Variants in FRMD3 observed in about 807,000 individuals in gnomAD.
The protein encoded by FRMD3 is FERM domain containing 3.
FRMD3 carries 33 observed loss-of-function variants against 70.2 expected under a neutral mutation model. The ratio of observed to expected loss-of-function variants is 0.47; its 90% CI spans 0.36 to 0.63. FRMD3 has a LOEUF of 0.63. FRMD3 is among the 20% of genes least tolerant of loss of function. The pLI is 0.00. For synonymous variants in FRMD3, 279 were observed against 255.9 expected, an observed-to-expected ratio of 1.09 and a Z score of -0.86; for missense variants, 632 against 711.4, an observed-to-expected ratio of 0.89 and a Z score of 1.27.
At chr9:83,297,099 T>C (rs548938543) in intron 12 of FRMD3, among the ~76,000 whole-genome samples, 71 of 152,294 alleles carry the variant, frequency 4.7e-4, no homozygotes, top group Middle Eastern at 3.4e-3. Context: ...TTTATTGACC[T>C]CATTAACCAT....
intron 2 of FRMD3, 109 bp downstream of exon 2, chr9:83,389,495 A>G: frequency 1.4e-6 from 1 of 731,498 alleles, no homozygotes. Context: ...CATGTGCCCA[A>G]TAATCTATGA....
chr9:83,465,286 C>T (rs142537616), intron 1 of FRMD3, among the ~76,000 whole-genome samples: 5,566 of 152,268 alleles, frequency 0.037, 163 homozygotes, highest in Middle Eastern at 0.12. Flanking sequence ...GGTCCCAGTG[C>T]TCTTCCCAGA....
chr9:83,376,056 A>T (rs62560269), intron 2 of FRMD3, among the ~76,000 whole-genome samples: 1 of 151,352 alleles, frequency 6.6e-6, no homozygotes, highest in Non-Finnish European at 1.5e-5. Flanking sequence ...GCTTCTCGGG[A>T]GGCTGAGACA....
intron 1 of FRMD3, 43 bp from the exon 2 acceptor site, chr9:83,389,751 G>A: frequency 7.4e-7 from 1 of 1,355,596 alleles, no homozygotes; most frequent in South Asian, 1.2e-5. Flanking sequence ...AGCTCACCTT[G>A]TGCATTCACG....
chr9:83,389,078 G>T lies in FRMD3; in HGVS notation c.252+526C>A, dbSNP rs529858945. On this transcript the variant is annotated intron_variant, in intron 2 of 13. Transcript: ENST00000304195. Reference sequence around the variant, plus strand: ...CTGCCCCACCTCAGCCTCCCAAGTAGCTGTGATGACAGGCACATGCCACCA... The same window carrying T: ...CTGCCCCACCTCAGCCTCCCAAGTATCTGTGATGACAGGCACATGCCACCA... Among the ~76,000 whole-genome samples, 7 of 151,576 alleles carry T rather than the reference G, an allele frequency of 4.6e-5. No individual in the cohort carries two copies. In the South Asian group the frequency reaches 1.5e-3, roughly 32 times the overall value.
intron 10 of FRMD3, among the ~76,000 whole-genome samples, chr9:83,300,527 G>A (rs987373848): frequency 6.6e-6 from 1 of 152,264 alleles, no homozygotes. Context: ...GTGATATAAT[G>A]GACTTTATAG....
chr9:83,358,185 C>G (rs1197133484), intron 3 of FRMD3, among the ~76,000 whole-genome samples: 1 of 152,124 alleles, frequency 6.6e-6, no homozygotes, highest in East Asian at 1.9e-4. Context: ...ATTTGTTGAA[C>G]AGGGTGTCCT....
At chr9:83,474,560 G>T (rs934832540) in intron 1 of FRMD3, among the ~76,000 whole-genome samples, 7 of 152,068 alleles carry the variant, frequency 4.6e-5, no homozygotes, top group Admixed American at 6.6e-5. Context: ...TGAATCAAAA[G>T]CAAGTCTCCT....
intron 13 of FRMD3, among the ~76,000 whole-genome samples, chr9:83,285,024 G>A (rs1387603791): frequency 1.3e-5 from 2 of 152,204 alleles, no homozygotes; most frequent in Admixed American, 6.5e-5. Flanking sequence ...CAAGAGTATG[G>A]CATGCCTGAT....
At chr9:83,430,448 C>T (rs774096501) in intron 1 of FRMD3, among the ~76,000 whole-genome samples, 17 of 152,166 alleles carry the variant, frequency 1.1e-4, no homozygotes, top group Admixed American at 2.0e-4. Flanking sequence ...GGTTTAGACA[C>T]GTGCAGATGA....
At chr9:83,358,964 G>T (rs1413269433) in intron 3 of FRMD3, among the ~76,000 whole-genome samples, 1 of 152,040 alleles carries the variant, frequency 6.6e-6, no homozygotes, top group Non-Finnish European at 1.5e-5. Context: ...AAATAAGCCA[G>T]CCACAGAGAG....
intron 10 of FRMD3, among the ~76,000 whole-genome samples, chr9:83,305,707 G>A (rs1835103341): frequency 6.6e-6 from 1 of 152,198 alleles, no homozygotes; most frequent in African/African-American, 2.4e-5. Context: ...GGATGGTTAT[G>A]GGATAATGGA....
intron 1 of FRMD3, among the ~76,000 whole-genome samples, chr9:83,421,402 T>C (rs1826639510): frequency 6.6e-6 from 1 of 152,190 alleles, no homozygotes; most frequent in South Asian, 2.1e-4. Context: ...CATTTTTGCA[T>C]TGAATCCTCA....
intron 1 of FRMD3, among the ~76,000 whole-genome samples, chr9:83,508,401 C>A (rs1323213667): frequency 6.6e-6 from 1 of 152,184 alleles, no homozygotes; most frequent in Non-Finnish European, 1.5e-5. Flanking sequence ...ACTTTGCATA[C>A]TTTACTGTAT....
chr9:83,559,423 A>C, the FRMD3 span, among the ~76,000 whole-genome samples: 1 of 152,238 alleles, frequency 6.6e-6, no homozygotes, highest in African/African-American at 2.4e-5. Flanking sequence ...CTGTAAACAT[A>C]ACTTTCATAT....
chr9:83,541,253 T>G (rs865887685), upstream of FRMD3, among the ~76,000 whole-genome samples: 14 of 147,188 alleles, frequency 9.5e-5, no homozygotes, highest in South Asian at 6.2e-4. Context: ...ATTGCAAGAT[T>G]CTGCTAATTT....
chr9:83,448,440 A>G (rs1157986552), intron 1 of FRMD3, among the ~76,000 whole-genome samples: 1 of 152,180 alleles, frequency 6.6e-6, no homozygotes, highest in Non-Finnish European at 1.5e-5. Context: ...AGCAGAGCCT[A>G]ACCCAGCAGA....
the FRMD3 span, among the ~76,000 whole-genome samples, chr9:83,565,599 C>T: frequency 2.0e-5 from 3 of 152,174 alleles, no homozygotes; most frequent in Non-Finnish European, 2.9e-5. Context: ...AGATACTGCC[C>T]GTAGCGCCCT....
rs1362942905 is a variant in FRMD3 at position 83,489,002 on chromosome 9, G to GCACACC, written c.147+49082_147+49083insGGTGTG. Among the ~76,000 whole-genome samples, 531 of 128,514 alleles carry GCACACC rather than the reference G, an allele frequency of 4.1e-3. 3 individuals carry two copies. Among genetic ancestry groups the GCACACC allele is most frequent in the African/African-American group, 0.014 (504 of 36,972 alleles). 84.3% of individuals were successfully genotyped at this position (128,514 alleles called of 152,430 possible). A position where few individuals can be genotyped will look rare whatever the true frequency, so the allele number is the denominator to read the frequency against. On this transcript the variant is annotated intron_variant, in intron 1 of 13. Transcript: ENST00000304195. Reference sequence around the variant, plus strand: ...TGTGTGTGTGTGTGTGTGTGTGTGTGTGTGTGTGTGTGTGCTTGTGTGTGC... The same window carrying GCACACC: ...TGTGTGTGTGTGTGTGTGTGTGTGTGCACACCTGTGTGTGTGTGTGCTTGTGTGTGC...
Sources: allele counts gnomAD v4.1 joint callset (sites outside exome capture counted in the v4.1 genomes callset), GRCh38; gene constraint gnomAD v4.1.1; transcripts MANE v1.5; gene names NCBI Gene and HGNC (gene_info 2026-07-23, HGNC 2026-07-21).